RFX3: variants seen among roughly 807,000 people sequenced by gnomAD.
RFX3 encodes the protein regulatory factor X3.
In RFX3, 14 loss-of-function variants were observed where a neutral mutation model predicts 98.6. The observed-to-expected ratio is 0.14, with a 90% CI of 0.09 to 0.22. The LOEUF (loss-of-function observed/expected upper bound fraction) is 0.22, where lower values mean the gene tolerates loss of function less well. Ranked by LOEUF, RFX3 falls within the 10% of genes least tolerant of loss-of-function variation. RFX3 has a pLI of 1.00. For missense variants in RFX3, 639 were observed against 926.9 expected (o/e 0.69, Z 4.03); for synonymous variants, 383 against 328.4 (o/e 1.17, Z -1.80).
At chr9:3,455,335 A>G (rs1348287974) in intron 1 of RFX3, among the ~76,000 whole-genome samples, 1 of 152,046 alleles carries the variant, frequency 6.6e-6, no homozygotes, top group African/African-American at 2.4e-5. Context: ...CACCTAGTCA[A>G]TGCATATTCT....
chr9:3,271,933 C>T (rs549504443), intron 9 of RFX3, among the ~76,000 whole-genome samples: 16 of 152,154 alleles, frequency 1.1e-4, no homozygotes, highest in South Asian at 8.3e-4. Flanking sequence ...ACCTCCTTTA[C>T]GGAACAACCT....
intron 2 of RFX3, among the ~76,000 whole-genome samples, chr9:3,371,189 G>A (rs1837801267): frequency 2.6e-5 from 4 of 152,028 alleles, no homozygotes; most frequent in South Asian, 4.2e-4. Context: ...CATTTACAGC[G>A]GCTTCCATTT....
intron 2 of RFX3, among the ~76,000 whole-genome samples, chr9:3,363,326 T>G (rs1456066684): frequency 6.6e-6 from 1 of 152,110 alleles, no homozygotes; most frequent in African/African-American, 2.4e-5. Flanking sequence ...CTACAGAAAA[T>G]TAAGTTTGGC....
At chr9:3,278,160 GA>G (rs1825476118) in intron 7 of RFX3, among the ~76,000 whole-genome samples, 1 of 151,574 alleles carries the variant, frequency 6.6e-6, no homozygotes, top group South Asian at 2.1e-4. Context: ...AGCTAAGATA[GA>G]AAAAAATGTG....
At chr9:3,487,560 A>G (rs1338536524) in intron 1 of RFX3, among the ~76,000 whole-genome samples, 3 of 152,194 alleles carry the variant, frequency 2.0e-5, no homozygotes, top group African/African-American at 7.2e-5. Context: ...AAAAAGCAGC[A>G]TATAACTTTG....
At chr9:3,381,301 G>A (rs1839167837) in intron 2 of RFX3, among the ~76,000 whole-genome samples, 1 of 151,986 alleles carries the variant, frequency 6.6e-6, no homozygotes, top group Admixed American at 6.6e-5. Context: ...AAACAGGACT[G>A]TAATCGATGA....
intron 1 of RFX3, among the ~76,000 whole-genome samples, chr9:3,460,397 T>C (rs1231198854): frequency 2.6e-5 from 4 of 152,034 alleles, no homozygotes; most frequent in Non-Finnish European, 4.4e-5. Flanking sequence ...CTAAATAATC[T>C]AATATTTTAA....
intron 3 of RFX3, among the ~76,000 whole-genome samples, chr9:3,334,937 C>T (rs114532893): frequency 1.1e-4 from 16 of 151,714 alleles, no homozygotes; most frequent in Non-Finnish European, 2.1e-4. Context: ...CTGGCAAACA[C>T]GGTGAAATTT....
At chr9:3,225,988 A>G (rs562526122) in intron 16 of RFX3, among the ~76,000 whole-genome samples, 2 of 152,170 alleles carry the variant, frequency 1.3e-5, no homozygotes, top group Non-Finnish European at 2.9e-5. Flanking sequence ...TTACCCCCAA[A>G]TTGTAATACG....
chr9:3,226,364 T>C (rs932496906), intron 16 of RFX3, among the ~76,000 whole-genome samples: 1 of 152,192 alleles, frequency 6.6e-6, no homozygotes, highest in African/African-American at 2.4e-5. Flanking sequence ...CCCCTTGACT[T>C]TTCTTATTTC....
At chr9:3,242,012 G>A (rs1261732747) in intron 15 of RFX3, among the ~76,000 whole-genome samples, 2 of 152,152 alleles carry the variant, frequency 1.3e-5, no homozygotes, top group Admixed American at 6.5e-5. Context: ...TTGTGTGTTT[G>A]GGGGAGTTGC....
intron 2 of RFX3, 109 bp downstream of exon 2, chr9:3,395,363 G>T: frequency 8.2e-7 from 1 of 1,225,680 alleles, no homozygotes; most frequent in Non-Finnish European, 1.2e-6. Context: ...ACTGAAGTAT[G>T]CCTATCATAG....
chr9:3,345,302 G>A (rs1195540488), intron 3 of RFX3, among the ~76,000 whole-genome samples: 2 of 152,028 alleles, frequency 1.3e-5, no homozygotes, highest in Non-Finnish European at 1.5e-5. Flanking sequence ...AAACATAGAA[G>A]TATGAAAGGG....
intron 2 of RFX3, among the ~76,000 whole-genome samples, chr9:3,393,228 G>A (rs1289443001): frequency 6.6e-6 from 1 of 152,096 alleles, no homozygotes; most frequent in Non-Finnish European, 1.5e-5. Flanking sequence ...AGAGGTCAAT[G>A]TAGTTGCCTA....
chr9:3,301,377 T>C (rs1828640642), intron 5 of RFX3, among the ~76,000 whole-genome samples, 169 bp downstream of exon 5: 1 of 151,888 alleles, frequency 6.6e-6, no homozygotes, highest in South Asian at 2.1e-4. Context: ...ATTTTTTGGA[T>C]ATTTCACTGT....
chr9:3,281,394 A>C (rs1307686703), intron 7 of RFX3, among the ~76,000 whole-genome samples: 1 of 151,396 alleles, frequency 6.6e-6, no homozygotes, highest in East Asian at 1.9e-4. Flanking sequence ...TTCCTGTTGA[A>C]TCCTTTAAAA....
chr9:3,466,947 A>G (rs1848274380), intron 1 of RFX3, among the ~76,000 whole-genome samples: 1 of 150,074 alleles, frequency 6.7e-6, no homozygotes, highest in South Asian at 2.1e-4. Context: ...GGAGGTATTC[A>G]TATGCATAAA....
intron 15 of RFX3, among the ~76,000 whole-genome samples, chr9:3,242,263 GAAT>G (rs2130874259): frequency 6.6e-6 from 1 of 152,272 alleles, no homozygotes; most frequent in South Asian, 2.1e-4. Flanking sequence ...AAGACATCTA[GAAT>G]AGGGATTGGC....
chr9:3,520,027 G>A (rs1199642765), intron 1 of RFX3, among the ~76,000 whole-genome samples: 8 of 152,070 alleles, frequency 5.3e-5, no homozygotes, highest in East Asian at 1.9e-4. Flanking sequence ...GGAGGACCAC[G>A]TGAGCCCAGG....
Sources: allele counts gnomAD v4.1 joint callset (sites outside exome capture counted in the v4.1 genomes callset), GRCh38; gene constraint gnomAD v4.1.1; transcripts MANE v1.5; gene names NCBI Gene and HGNC (gene_info 2026-07-23, HGNC 2026-07-21).